Variants in DLC1 observed in about 807,000 individuals in gnomAD.
The protein encoded by DLC1 is rho GTPase-activating protein 7.
DLC1 carries 54 observed loss-of-function variants against 140.3 expected under a neutral mutation model. That is an observed-to-expected ratio of 0.38 (90% confidence interval 0.31 to 0.48). The LOEUF (loss-of-function observed/expected upper bound fraction) is 0.48, where lower values mean the gene tolerates loss of function less well. Among genes scored for constraint, DLC1 ranks in the 20% least tolerant of loss-of-function variants. DLC1 has a pLI of 0.96. For synonymous variants in DLC1, 986 were observed against 728.1 expected (o/e 1.35, Z -5.70); for missense variants, 2,536 against 1,907.0 (o/e 1.33, Z -6.14).
intron 2 of DLC1, among the ~76,000 whole-genome samples, chr8:13,426,030 C>G (rs1490149254): frequency 6.6e-6 from 1 of 152,128 alleles, no homozygotes. Context: ...CCAGGCTGCT[C>G]TCGAACTCCT....
intron 4 of DLC1, among the ~76,000 whole-genome samples, chr8:13,327,120 A>ATTTTTTTTTTTTTT (rs34667525): frequency 1.2e-5 from 1 of 85,660 alleles, no homozygotes; most frequent in African/African-American, 4.4e-5. Flanking sequence ...ACACCCGGCT[A>ATTTTTTTTTTTTTT]TTTTTTTTTT....
At position 13,100,308 on chromosome 8, in the gene DLC1, T is replaced by G. The variant is rs754376429; in HGVS notation, c.2029A>C (p.Lys677Gln). Residue 677 changes from lysine to glutamine, a missense_variant, in exon 9 of 18, where the codon AAG becomes CAG. Physicochemically the swap from Lys to Gln is moderately conservative, Grantham distance 53. Coordinates refer to ENST00000276297, the MANE Select transcript of DLC1 (RefSeq NM_182643.3). ...TTGTGCTTGCTGTGATGGGAGCTCT[T>G]GAGCTTCAGGCTCTCCATCCGTTTC... The part of the protein sequence containing the change: ...LLKRMESLKL[K>Q]SSHHSKHKAP... The G allele has an allele frequency of 1.2e-6, 2 of 1,614,048 alleles. No homozygotes were observed. The highest frequency in any genetic ancestry group is 4.5e-5 in the East Asian group (2 of 44,878).
chr8:13,349,951 C>CTT (rs954639690), intron 4 of DLC1, among the ~76,000 whole-genome samples: 1 of 152,190 alleles, frequency 6.6e-6, no homozygotes, highest in African/African-American at 2.4e-5. Context: ...ACTTCAGTCT[C>CTT]TGAGACCAGC....
At chr8:13,529,546 C>G (rs796372562) in intron 1 of DLC1, among the ~76,000 whole-genome samples, 5 of 152,160 alleles carry the variant, frequency 3.3e-5, no homozygotes, top group African/African-American at 1.2e-4. Context: ...TTCAACATGA[C>G]TCATATTTAG....
intron 1 of DLC1, chr8:13,567,325 A>G (rs1421819749): frequency 1.9e-6 from 3 of 1,551,672 alleles, no homozygotes; most frequent in Non-Finnish European, 2.6e-6. Flanking sequence ...AACAGAAATC[A>G]CTCGGGTATC....
At chr8:13,448,508 G>A (rs990784694) in intron 2 of DLC1, among the ~76,000 whole-genome samples, 3 of 151,888 alleles carry the variant, frequency 2.0e-5, no homozygotes, top group Non-Finnish European at 4.4e-5. Context: ...GACTACAGGT[G>A]TGCGCCACCA....
intron 5 of DLC1, among the ~76,000 whole-genome samples, chr8:13,228,575 A>AAAAAAT (rs1490283955): frequency 3.3e-5 from 5 of 152,034 alleles, no homozygotes; most frequent in Non-Finnish European, 5.9e-5. Flanking sequence ...GTCTCTACAA[A>AAAAAAT]AAAAATAAAA....
At chr8:13,131,109 G>A (rs538680270) in intron 5 of DLC1, among the ~76,000 whole-genome samples, 1 of 152,144 alleles carries the variant, frequency 6.6e-6, no homozygotes, top group African/African-American at 2.4e-5. Flanking sequence ...GATTAGAGGG[G>A]CTGCTGCCTT....
At chr8:13,228,608 A>G (rs910148597) in intron 5 of DLC1, among the ~76,000 whole-genome samples, 5 of 152,208 alleles carry the variant, frequency 3.3e-5, no homozygotes, top group East Asian at 1.9e-4. Context: ...AAATTAGCCC[A>G]GCATGGTGGC....
intron 5 of DLC1, among the ~76,000 whole-genome samples, chr8:13,150,773 C>T (rs868677416): frequency 6.6e-6 from 1 of 152,212 alleles, no homozygotes; most frequent in Non-Finnish European, 1.5e-5. Flanking sequence ...CATAAAATCT[C>T]ACTGAGGGGT....
chr8:13,272,957 G>A (rs1014267186), intron 5 of DLC1, among the ~76,000 whole-genome samples: 2 of 152,194 alleles, frequency 1.3e-5, no homozygotes, highest in Admixed American at 1.3e-4. Flanking sequence ...ATCCTTTTAT[G>A]TAATTCATTC....
intron 1 of DLC1, among the ~76,000 whole-genome samples, chr8:13,502,940 T>A (rs1294562291): frequency 1.3e-5 from 2 of 152,232 alleles, no homozygotes; most frequent in Admixed American, 6.5e-5. Flanking sequence ...GACATTAACA[T>A]CACAAGAGAC....
chr8:13,244,663 T>G (rs973035520), intron 5 of DLC1, among the ~76,000 whole-genome samples: 11 of 152,130 alleles, frequency 7.2e-5, no homozygotes, highest in African/African-American at 2.7e-4. Context: ...ACCAAGAGAT[T>G]GCTTTTATTC....
chr8:13,399,282 G>GA (rs1435574808), intron 3 of DLC1, among the ~76,000 whole-genome samples: 1 of 152,276 alleles, frequency 6.6e-6, no homozygotes, highest in East Asian at 1.9e-4. Context: ...TCATTGTAAA[G>GA]AAAAAACTGG....
chr8:13,491,501 A>G (rs574784059), intron 2 of DLC1, among the ~76,000 whole-genome samples: 1 of 152,204 alleles, frequency 6.6e-6, no homozygotes, highest in Non-Finnish European at 1.5e-5. Flanking sequence ...AAATGATAAA[A>G]TATACGTGAA....
intron 4 of DLC1, among the ~76,000 whole-genome samples, chr8:13,306,580 G>C (rs1304182704): frequency 6.7e-6 from 1 of 149,776 alleles, no homozygotes; most frequent in Non-Finnish European, 1.5e-5. Flanking sequence ...GTGTGTGTGT[G>C]TGTGAGAGAG....
At chr8:13,117,210 G>A (rs141427804) in intron 5 of DLC1, among the ~76,000 whole-genome samples, 4 of 152,244 alleles carry the variant, frequency 2.6e-5, no homozygotes, top group African/African-American at 9.6e-5. Context: ...GGTGGCTTGC[G>A]CCTATAATCC....
At chr8:13,505,224 A>T (rs943446274) in intron 1 of DLC1, among the ~76,000 whole-genome samples, 16 of 152,184 alleles carry the variant, frequency 1.1e-4, no homozygotes, top group African/African-American at 3.9e-4. Flanking sequence ...TAACCAAAAC[A>T]TATGAAGCAA....
intron 2 of DLC1, among the ~76,000 whole-genome samples, chr8:13,437,651 A>T (rs1227789262): frequency 1.3e-5 from 2 of 152,182 alleles, no homozygotes; most frequent in Admixed American, 1.3e-4. Flanking sequence ...ATTTCTGTGG[A>T]AACTGGCTCC....
Sources: allele counts gnomAD v4.1 joint callset (sites outside exome capture counted in the v4.1 genomes callset), GRCh38; gene constraint gnomAD v4.1.1; transcripts MANE v1.5; gene names NCBI Gene and HGNC (gene_info 2026-07-23, HGNC 2026-07-21).